IDNK: variants seen among roughly 807,000 people sequenced by gnomAD.
IDNK encodes IDNK gluconokinase.
IDNK carries 9 observed loss-of-function variants against 13.0 expected under a neutral mutation model. The ratio of observed to expected loss-of-function variants is 0.69; its 90% CI spans 0.42 to 1.21. The LOEUF is 1.21. Among genes scored for constraint, IDNK ranks in the 50% most tolerant of loss-of-function variants. The pLI is 0.00. For synonymous variants in IDNK, 92 were observed against 94.9 expected (o/e 0.97, Z 0.18); for missense variants, 210 against 237.8 (o/e 0.88, Z 0.77).
Position 83,630,439 on chromosome 9 carries a change from A to G in IDNK, c.168+1480A>G, listed in dbSNP as rs187024761. 3.3e-3 allele frequency among the ~76,000 whole-genome samples: 497 copies of G among 152,376 alleles called. 9 individuals are homozygous for G. The highest frequency in any genetic ancestry group is 5.6e-4 in the Non-Finnish European group (38 of 68,032). On this transcript the variant is annotated intron_variant, in intron 3 of 4. Coordinates refer to ENST00000376419, the MANE Select transcript of IDNK (RefSeq NM_001001551.4). ...CCACCACCAGGCTTGTATGAGCTTG[A>G]CAAAGGGCTTAGTCTCTCTGTGCCC...
At chr9:83,625,027 C>T (rs1001422009) in intron 1 of IDNK, among the ~76,000 whole-genome samples, 7 of 152,088 alleles carry the variant, frequency 4.6e-5, no homozygotes, top group African/African-American at 9.7e-5. Context: ...GGCTTGGCTT[C>T]TTTAAGGAGC....
At chr9:83,627,270 A>G (rs1209813924) in intron 1 of IDNK, among the ~76,000 whole-genome samples, 1 of 152,220 alleles carries the variant, frequency 6.6e-6, no homozygotes, top group East Asian at 1.9e-4. Flanking sequence ...TGAAAGCGAG[A>G]AAGCACTTTA....
Position 83,628,182 on chromosome 9 carries a change from T to G in IDNK, c.52T>G (p.Ser18Ala), listed in dbSNP as rs535923272. The G allele has an allele frequency of 1.3e-6, 2 of 1,550,588 alleles. No individual in the cohort carries two copies. Among genetic ancestry groups the G allele is most frequent in the African/African-American group, 2.7e-5 (2 of 73,182 alleles). Residue 18 changes from serine (S) to alanine (A), a missense_variant and splice_region_variant, in exon 2 of 5, where the codon TCC (serine) becomes GCC (alanine). Transcript: ENST00000376419. ...GGAACATCTGTGTCCTCTCCACAGATCCACCGTGGGCGCCCTGCTGGCATC... is the reference window on the plus strand; with the variant it reads ...GGAACATCTGTGTCCTCTCCACAGAGCCACCGTGGGCGCCCTGCTGGCATC... ...LVMGVSGSGK[S>A]TVGALLASEL...
intron 4 of IDNK, among the ~76,000 whole-genome samples, chr9:83,642,198 C>T (rs752242945): frequency 1.3e-5 from 2 of 152,124 alleles, no homozygotes; most frequent in Non-Finnish European, 2.9e-5. Flanking sequence ...AAATCCTGGT[C>T]GGGACGTGGA....
intron 4 of IDNK, among the ~76,000 whole-genome samples, 180 bp from the exon 5 acceptor site, chr9:83,643,249 C>G (rs1831363601): frequency 6.6e-6 from 1 of 152,190 alleles, no homozygotes; most frequent in African/African-American, 2.4e-5. Flanking sequence ...CAAGATTGTT[C>G]ACTTTACTAG....
rs111737770 is a variant in IDNK, at chr9:83,624,500, T to C, written c.50+1279T>C. Among the ~76,000 whole-genome samples, 1,216 of 152,234 alleles carry C rather than the reference T, an allele frequency of 8.0e-3. 18 individuals are homozygous for C. The highest frequency in any genetic ancestry group is 0.028 in the African/African-American group (1,159 of 41,532). On this transcript the variant is annotated intron_variant, in intron 1 of 4. Coordinates refer to ENST00000376419, the MANE Select transcript of IDNK (RefSeq NM_001001551.4). ...ATGGGAGACAGAGTAAATGAATATATGTAGTGTGTGAGTTGGTGATAGATG... is the reference window on the plus strand; with the variant it reads ...ATGGGAGACAGAGTAAATGAATATACGTAGTGTGTGAGTTGGTGATAGATG...
chr9:83,631,910 A>G (rs1414093133), intron 3 of IDNK, among the ~76,000 whole-genome samples: 2 of 152,146 alleles, frequency 1.3e-5, no homozygotes. Flanking sequence ...CTGAGCCTGC[A>G]GGGGCACCTG....
chr9:83,637,161 T>C (rs1831187017), intron 3 of IDNK, among the ~76,000 whole-genome samples: 1 of 152,274 alleles, frequency 6.6e-6, no homozygotes, highest in Non-Finnish European at 1.5e-5. Flanking sequence ...TCATTTGATC[T>C]GTACATTTTG....
At chr9:83,636,793 G>A (rs1831176330) in intron 3 of IDNK, among the ~76,000 whole-genome samples, 1 of 152,152 alleles carries the variant, frequency 6.6e-6, no homozygotes. Context: ...GAAATTATGA[G>A]TAAGGATACA....
At position 83,643,732 on chromosome 9, in the gene IDNK, T is replaced by G; in HGVS notation, c.516T>G (p.Asn172Lys). 1.2e-6 allele frequency: 2 copies of G among 1,613,196 alleles called. No homozygotes were observed. The highest frequency in any genetic ancestry group is 1.7e-6 in the Non-Finnish European group (2 of 1,179,814). ...ENFIQISVDKNVSEIIATIME... is the reference protein window; with the variant it reads ...ENFIQISVDKKVSEIIATIME... ...TTATCCAAATAAGTGTGGACAAAAA[T>G]GTTTCAGAGATAATTGCTACAATTA... Residue 172 changes from asparagine to lysine, a missense_variant, in exon 5 of 5, where the codon AAT (asparagine) becomes AAG (lysine). Transcript: ENST00000376419.
chr9:83,635,325 A>T (rs1831135069), intron 3 of IDNK, among the ~76,000 whole-genome samples: 1 of 152,262 alleles, frequency 6.6e-6, no homozygotes, highest in Non-Finnish European at 1.5e-5. Flanking sequence ...TAGTACCCAC[A>T]TTTTCAGAAA....
rs57832482 is a variant in IDNK, at chr9:83,631,451, G to GAAAAAAAAAAAAAAA, written c.168+2497_168+2511dup. Among the ~76,000 whole-genome samples the GAAAAAAAAAAAAAAA allele has an allele frequency of 2.1e-4, 12 of 56,946 alleles. 1 individual carries two copies. The highest frequency in any genetic ancestry group is 5.7e-4 in the African/African-American group (8 of 13,976). 37.4% of individuals were successfully genotyped at this position (56,946 alleles called of 152,430 possible). ...GCAAGTCCCTGCCTCTACAAAAACTGAAAAAAAAAAAAAAAAAAAGGCTGG... is the reference window on the plus strand; with the variant it reads ...GCAAGTCCCTGCCTCTACAAAAACTGAAAAAAAAAAAAAAAAAAAAAAAAAAAAAAAAAAGGCTGG... On this transcript the variant is annotated intron_variant, in intron 3 of 4. Transcript: ENST00000376419.
At chr9:83,641,517 G>A (rs1442096384) in intron 3 of IDNK, 31 bp from the exon 4 acceptor site, 1 of 1,612,654 alleles carries the variant, frequency 6.2e-7, no homozygotes. Context: ...AAGTCACGTT[G>A]TGTCTGGGTT....
Position 83,635,031 on chromosome 9 carries a change from G to A in IDNK, c.168+6072G>A, listed in dbSNP as rs1010398629. Reference sequence around the variant, plus strand: ...TGCTGAATGGAGATTCGCAGCCCACGGCACTAGTCTTAAATAAAGCCTTAA... The same window carrying A: ...TGCTGAATGGAGATTCGCAGCCCACAGCACTAGTCTTAAATAAAGCCTTAA... On this transcript the variant is annotated intron_variant, in intron 3 of 4. Transcript: ENST00000376419. Among the ~76,000 whole-genome samples, 5 of 152,048 alleles carry A rather than the reference G, an allele frequency of 3.3e-5. No individual in the cohort carries two copies. In the East Asian group the frequency reaches 5.8e-4, roughly 18 times the overall value.
At chr9:83,635,736 C>A (rs749240277) in intron 3 of IDNK, among the ~76,000 whole-genome samples, 1 of 152,242 alleles carries the variant, frequency 6.6e-6, no homozygotes, top group Non-Finnish European at 1.5e-5. Flanking sequence ...TAGGAAAGCA[C>A]CTCGCTGTGG....
At chr9:83,628,286 T>TC in intron 2 of IDNK, 75 bp downstream of exon 2, 1 of 1,307,564 alleles carries the variant, frequency 7.6e-7, no homozygotes, top group Non-Finnish European at 1.1e-6. Flanking sequence ...CTGCCTTTTT[T>TC]CTGCTTTGTA....
At chr9:83,642,300 G>A (rs925743465) in intron 4 of IDNK, among the ~76,000 whole-genome samples, 16 of 152,120 alleles carry the variant, frequency 1.1e-4, no homozygotes, top group African/African-American at 2.7e-4. Context: ...TAGGCCATAC[G>A]AAGTTATAAT....
In IDNK at chr9:83,634,019, C is replaced by T. The variant is rs145152235; in HGVS notation, c.168+5060C>T. ...GCACTGACTTAAAGGGTGGTCATGA[C>T]GGCACTGACATGGTAGCCTGGCTTA... On this transcript the variant is annotated intron_variant, in intron 3 of 4. Coordinates refer to ENST00000376419, the MANE Select transcript of IDNK (RefSeq NM_001001551.4). Among the ~76,000 whole-genome samples the T allele has an allele frequency of 1.2e-3, 178 of 152,340 alleles. 1 individual carries two copies. Among genetic ancestry groups the T allele is most frequent in the Middle Eastern group, 3.4e-3 (1 of 294 alleles).
chr9:83,628,340 T>G (rs1830918232), intron 2 of IDNK, 129 bp downstream of exon 2: 1 of 821,584 alleles, frequency 1.2e-6, no homozygotes, highest in South Asian at 1.5e-5. Flanking sequence ...AGCAATTTTG[T>G]TTTTCTCCTT....
Sources: gnomAD v4.1 joint callset for allele counts (sites outside exome capture counted in the v4.1 genomes callset) on GRCh38, gnomAD v4.1.1 for gene constraint, MANE v1.5 for transcripts, NCBI Gene and HGNC (gene_info 2026-07-23, HGNC 2026-07-21) for gene names.